Variants in EYA2 observed in about 807,000 individuals in gnomAD.
EYA2 encodes the protein protein phosphatase EYA2.
A neutral mutation model predicts 69.2 loss-of-function variants in EYA2; 31 were observed. The observed-to-expected ratio is 0.45, with a 90% CI of 0.34 to 0.60. EYA2 has a LOEUF of 0.60. EYA2 is among the 20% of genes least tolerant of loss of function. EYA2 has a pLI of 0.02. For synonymous variants in EYA2, 257 were observed against 279.4 expected (o/e 0.92, Z 0.80); for missense variants, 622 against 701.2 (o/e 0.89, Z 1.28).
chr20:47,166,128 G>T (rs947697082), intron 10 of EYA2, among the ~76,000 whole-genome samples: 3 of 151,798 alleles, frequency 2.0e-5, no homozygotes, highest in East Asian at 3.9e-4. Flanking sequence ...GGCCAGGCAC[G>T]GTGGCTCATG....
intron 1 of EYA2, chr20:46,978,603 T>C (rs1161819479): frequency 1.9e-6 from 1 of 534,614 alleles, no homozygotes; most frequent in African/African-American, 1.9e-5. Flanking sequence ...TTAAGAGCAA[T>C]GGAAAGCCGT....
At chr20:46,995,075 A>AT (rs1219799376) in intron 2 of EYA2, among the ~76,000 whole-genome samples, 1 of 151,956 alleles carries the variant, frequency 6.6e-6, no homozygotes, top group East Asian at 1.9e-4. Flanking sequence ...TAATTTTTGT[A>AT]TTTTTAGTAG....
intron 1 of EYA2, among the ~76,000 whole-genome samples, chr20:46,918,116 C>T (rs563935807): frequency 2.6e-5 from 4 of 152,144 alleles, no homozygotes; most frequent in African/African-American, 9.6e-5. Context: ...GTCAGGAGAT[C>T]GAGACCATCC....
rs77857031 is a variant in EYA2 at position 47,011,291 on chromosome 20, A to G, written c.299-4890A>G. On this transcript the variant is annotated intron_variant, in intron 4 of 15. Transcript: ENST00000327619. ...CACAGAGCCAGGACAGGAAACGAGT[A>G]CTCTGGGCTGTGCCATGTGCCATGG... Among the ~76,000 whole-genome samples, 1,176 of 152,190 alleles carry G rather than the reference A, an allele frequency of 7.7e-3. 8 individuals carry two copies. The highest frequency in any genetic ancestry group is 0.014 in the Non-Finnish European group (923 of 68,000).
At chr20:47,040,429 T>A (rs1376167581) in intron 5 of EYA2, among the ~76,000 whole-genome samples, 1 of 152,216 alleles carries the variant, frequency 6.6e-6, no homozygotes, top group Non-Finnish European at 1.5e-5. Context: ...AGTCTGAGCC[T>A]CAGTTTTCTG....
At chr20:47,010,883 G>A (rs920816093) in intron 4 of EYA2, among the ~76,000 whole-genome samples, 5 of 149,976 alleles carry the variant, frequency 3.3e-5, no homozygotes, top group South Asian at 2.1e-4. Context: ...TGCCTCCCAC[G>A]TTCAAGTGAT....
intron 9 of EYA2, among the ~76,000 whole-genome samples, chr20:47,113,599 C>G (rs1472706858): frequency 6.6e-6 from 1 of 152,214 alleles, no homozygotes; most frequent in Non-Finnish European, 1.5e-5. Context: ...TCGGGGCTGT[C>G]TGCTCTGAAA....
chr20:46,932,331 C>T (rs1568672608), intron 1 of EYA2, among the ~76,000 whole-genome samples: 2 of 152,134 alleles, frequency 1.3e-5, no homozygotes, highest in East Asian at 3.9e-4. Flanking sequence ...AGTGCCACCA[C>T]CTCTGCTCCC....
At chr20:47,116,536 C>T (rs1408398420) in intron 9 of EYA2, among the ~76,000 whole-genome samples, 1 of 152,164 alleles carries the variant, frequency 6.6e-6, no homozygotes, top group Non-Finnish European at 1.5e-5. Flanking sequence ...CTGTCAATCT[C>T]CCCTCCCCCA....
In EYA2 at chr20:47,044,160, A is replaced by G. The variant is rs7345459; in HGVS notation, c.415+27863A>G. Among the ~76,000 whole-genome samples, 1,285 of 152,326 alleles carry G rather than the reference A, an allele frequency of 8.4e-3. 18 individuals carry two copies. The highest frequency in any genetic ancestry group is 0.03 in the African/African-American group (1,237 of 41,582). ...AGGGGGCACCATTCACATCAAAGTC[A>G]TCATAGACTCAGTCATCAGACCATT... On this transcript the variant is annotated intron_variant, in intron 5 of 15. Coordinates refer to ENST00000327619, the MANE Select transcript of EYA2 (RefSeq NM_005244.5).
chr20:47,171,102 G>C (rs1443279593), intron 11 of EYA2, among the ~76,000 whole-genome samples: 2 of 152,190 alleles, frequency 1.3e-5, no homozygotes, highest in African/African-American at 4.8e-5. Context: ...AAGGTTAATT[G>C]GTCCTTTCCA....
intron 9 of EYA2, among the ~76,000 whole-genome samples, chr20:47,123,300 G>A (rs898868940): frequency 2.6e-5 from 4 of 151,996 alleles, no homozygotes; most frequent in Admixed American, 6.6e-5. Context: ...TCTTTGTGTT[G>A]GGAATGTTTA....
rs545936621 is a variant in EYA2, at chr20:47,162,350, TAGAAAGTGCTGGCC to T, written c.979-6787_979-6774del. Among the ~76,000 whole-genome samples, 23 of 152,272 alleles carry T rather than the reference TAGAAAGTGCTGGCC, an allele frequency of 1.5e-4. No individual in the cohort carries two copies. The East Asian group carries it at 4.4e-3, about 29-fold the overall frequency. ...TTCTCCTAGTTTCCCACTACATATA[TAGAAAGTGCTGGCC>T]ATAGTCCCTGGCACATTGAAAGCTT... is the stretch of plus-strand genomic sequence containing the variant. On this transcript the variant is annotated intron_variant, in intron 10 of 15. Transcript: ENST00000327619.
In EYA2 at chr20:47,099,518, ATCAATCAC is replaced by A. The variant is rs1360081231; in HGVS notation, c.888+2358_888+2365del. Among the ~76,000 whole-genome samples, 4 of 152,300 alleles carry A rather than the reference ATCAATCAC, an allele frequency of 2.6e-5. No homozygotes were observed. In the South Asian group the frequency reaches 6.2e-4, roughly 24 times the overall value. ...GGCAACAGAGCAAGACCCTGTCTCA[ATCAATCAC>A]TCAATCAATAAAAAGAGAGCCCCAG... On this transcript the variant is annotated intron_variant, in intron 9 of 15. Coordinates refer to ENST00000327619, the MANE Select transcript of EYA2 (RefSeq NM_005244.5).
rs559935360 is a variant in EYA2, at chr20:47,121,685, T to C, written c.889-21374T>C. Among the ~76,000 whole-genome samples, 148 of 152,294 alleles carry C rather than the reference T, an allele frequency of 9.7e-4. 1 individual carries two copies. The highest frequency in any genetic ancestry group is 2.9e-3 in the African/African-American group (119 of 41,566). ...TAAAATAAATCTCTCTCCCCATGCA[T>C]AGCACTGGGTCAGATCCTTTGCATG... On this transcript the variant is annotated intron_variant, in intron 9 of 15. Coordinates refer to ENST00000327619, the MANE Select transcript of EYA2 (RefSeq NM_005244.5).
chr20:46,984,696 A>G (rs1345223904), intron 1 of EYA2, among the ~76,000 whole-genome samples: 1 of 152,252 alleles, frequency 6.6e-6, no homozygotes, highest in Non-Finnish European at 1.5e-5. Flanking sequence ...AGTTCAGTTC[A>G]CATATACTCC....
intron 2 of EYA2, among the ~76,000 whole-genome samples, chr20:46,999,724 A>G (rs1282026023): frequency 6.6e-6 from 1 of 152,184 alleles, no homozygotes. Flanking sequence ...TGGCTCAGCC[A>G]GGGGGAGGGC....
At chr20:47,086,317 C>T (rs1487448051) in intron 7 of EYA2, among the ~76,000 whole-genome samples, 1 of 152,166 alleles carries the variant, frequency 6.6e-6, no homozygotes, top group Non-Finnish European at 1.5e-5. Flanking sequence ...GAAACCCCAT[C>T]TCTACTAAAA....
At position 47,026,286 on chromosome 20, in the gene EYA2, G is replaced by A. The variant is rs74725444; in HGVS notation, c.415+9989G>A. Reference sequence around the variant, plus strand: ...AGAAAACAAATCCAAATGGATTGACGGTTTAAATGTTAAAAATAAAACCAT... The same window carrying A: ...AGAAAACAAATCCAAATGGATTGACAGTTTAAATGTTAAAAATAAAACCAT... On this transcript the variant is annotated intron_variant, in intron 5 of 15. Coordinates refer to ENST00000327619, the MANE Select transcript of EYA2 (RefSeq NM_005244.5). Among the ~76,000 whole-genome samples the A allele has an allele frequency of 8.4e-3, 1,275 of 152,170 alleles. 20 individuals are homozygous for A. Among genetic ancestry groups the A allele is most frequent in the African/African-American group, 0.028 (1,178 of 41,516 alleles).
Sources: allele counts gnomAD v4.1 joint callset (sites outside exome capture counted in the v4.1 genomes callset), GRCh38; gene constraint gnomAD v4.1.1; transcripts MANE v1.5; gene names NCBI Gene and HGNC (gene_info 2026-07-23, HGNC 2026-07-21).